Variants in ATP8A2 observed in about 807,000 individuals in gnomAD.
The protein encoded by ATP8A2 is ATPase phospholipid transporting 8A2.
A neutral mutation model predicts 165.6 loss-of-function variants in ATP8A2; 100 were observed. That is an observed-to-expected ratio of 0.60 (90% CI 0.51 to 0.71). The LOEUF (loss-of-function observed/expected upper bound fraction) is 0.71. Among genes scored for constraint, ATP8A2 ranks in the 30% least tolerant of loss-of-function variants. The pLI is 0.00. For synonymous variants in ATP8A2, 543 were observed against 548.8 expected, an observed-to-expected ratio of 0.99 and a Z score of 0.15; for missense variants, 1,227 against 1,479.5, an observed-to-expected ratio of 0.83 and a Z score of 2.80.
intron 33 of ATP8A2, among the ~76,000 whole-genome samples, chr13:25,920,738 G>C (rs1428944787): frequency 6.6e-6 from 1 of 152,178 alleles, no homozygotes; most frequent in Non-Finnish European, 1.5e-5. Flanking sequence ...CCTAAATACT[G>C]TCAACATTTC....
intron 24 of ATP8A2, among the ~76,000 whole-genome samples, chr13:25,668,247 AT>A (rs1422254998): frequency 6.6e-6 from 1 of 152,048 alleles, no homozygotes; most frequent in Non-Finnish European, 1.5e-5. Context: ...GCTACTGTAT[AT>A]CTGGGAATGT....
intron 2 of ATP8A2, among the ~76,000 whole-genome samples, chr13:25,512,516 T>TC (rs2037268541): frequency 1.2e-5 from 1 of 83,524 alleles, no homozygotes; most frequent in African/African-American, 4.4e-5. Context: ...GGGGCTGACC[T>TC]CCCCACCTCC....
At chr13:25,897,837 G>A (rs1283027063) in intron 33 of ATP8A2, among the ~76,000 whole-genome samples, 3 of 152,156 alleles carry the variant, frequency 2.0e-5, no homozygotes, top group African/African-American at 2.4e-5. Context: ...CGGTTACTGA[G>A]GCTTGTGCAT....
chr13:25,589,535 G>A, intron 23 of ATP8A2, 100 bp from the exon 24 acceptor site: 1 of 822,152 alleles, frequency 1.2e-6, no homozygotes, highest in African/African-American at 1.7e-5. Context: ...CTCTGTGTGA[G>A]CCAATAGGCT....
intron 21 of ATP8A2, among the ~76,000 whole-genome samples, chr13:25,579,564 T>C (rs2039712111): frequency 6.6e-6 from 1 of 152,170 alleles, no homozygotes; most frequent in South Asian, 2.1e-4. Flanking sequence ...CTCTCTGCCA[T>C]GGAGAATTCA....
rs866229669 is a variant in ATP8A2 at position 25,882,956 on chromosome 13, G to A, written c.3183+20548G>A. Among the ~76,000 whole-genome samples, 57 of 147,750 alleles carry A rather than the reference G, an allele frequency of 3.9e-4. 3 individuals are homozygous for A. The highest frequency in any genetic ancestry group is 3.2e-3 in the South Asian group (15 of 4,622). ...GATGATGATGGTGATGGTGATGATG[G>A]TGATGGTGATGATGATGGCAGCAGC... On this transcript the variant is annotated intron_variant, in intron 33 of 36. Transcript: ENST00000381655.
At chr13:25,783,147 C>T (rs1449536522) in intron 27 of ATP8A2, among the ~76,000 whole-genome samples, 1 of 152,074 alleles carries the variant, frequency 6.6e-6, no homozygotes, top group Non-Finnish European at 1.5e-5. Context: ...AGACGGAGAG[C>T]CTGGCTGTAC....
intron 25 of ATP8A2, among the ~76,000 whole-genome samples, chr13:25,714,645 A>AT (rs2043218311): frequency 6.6e-6 from 1 of 152,212 alleles, no homozygotes; most frequent in African/African-American, 2.4e-5. Flanking sequence ...GAATGATGTG[A>AT]TAGGCTAACC....
chr13:25,484,593 CA>C (rs1294916355), intron 2 of ATP8A2, among the ~76,000 whole-genome samples: 1 of 152,100 alleles, frequency 6.6e-6, no homozygotes, highest in Admixed American at 6.6e-5. Flanking sequence ...TGGCTTACTG[CA>C]ACATCCCACT....
At chr13:25,987,010 AGAT>A (rs1289321215) in intron 35 of ATP8A2, among the ~76,000 whole-genome samples, 3 of 152,236 alleles carry the variant, frequency 2.0e-5, no homozygotes, top group Non-Finnish European at 4.4e-5. Context: ...TAATTTTTAC[AGAT>A]GATCTAGAGA....
intron 27 of ATP8A2, among the ~76,000 whole-genome samples, chr13:25,790,427 CATG>C (rs1407319205): frequency 6.6e-6 from 1 of 151,848 alleles, no homozygotes; most frequent in Non-Finnish European, 1.5e-5. Context: ...CGCAGTGGCT[CATG>C]CTTGTAATTC....
At chr13:25,829,694 ATATATATATATATATATATATATAT>A (rs545990767) in intron 28 of ATP8A2, among the ~76,000 whole-genome samples, 2 of 59,754 alleles carry the variant, frequency 3.3e-5, no homozygotes, top group African/African-American at 1.2e-4. Flanking sequence ...ATATATATAT[ATATATATATATATATATATATATAT>A]ATCACCTGCT....
intron 33 of ATP8A2, among the ~76,000 whole-genome samples, chr13:25,899,128 G>A (rs1309158319): frequency 1.3e-5 from 2 of 152,212 alleles, no homozygotes; most frequent in Non-Finnish European, 2.9e-5. Context: ...CGCTCACTCT[G>A]GGAACTGTAG....
intron 24 of ATP8A2, among the ~76,000 whole-genome samples, chr13:25,684,391 G>A (rs1236556080): frequency 6.6e-6 from 1 of 152,204 alleles, no homozygotes; most frequent in Non-Finnish European, 1.5e-5. Flanking sequence ...TCAATTGGAA[G>A]TGTTGATCTC....
rs574120740 is a variant in ATP8A2, at chr13:25,772,460, T to C, written c.2569-2389T>C. Among the ~76,000 whole-genome samples, 6 of 152,220 alleles carry C rather than the reference T, an allele frequency of 3.9e-5. No homozygotes were observed. The East Asian group carries it at 1.2e-3, about 29-fold the overall frequency. The stretch of plus-strand genomic sequence containing the variant: ...TATGATTTCCCATTCCCCTTTGGAA[T>C]CCTTAATGAGCCTTTATGGGGAGTT... On this transcript the variant is annotated intron_variant, in intron 26 of 36. Transcript: ENST00000381655.
chr13:26,012,698 C>A, intron 36 of ATP8A2, 76 bp downstream of exon 36: 2 of 232,940 alleles, frequency 8.6e-6, no homozygotes, highest in Non-Finnish European at 1.1e-5. Flanking sequence ...GTTGGGGGAG[C>A]GGGCGCTGAT....
chr13:25,759,841 C>T (rs936043750), intron 25 of ATP8A2, among the ~76,000 whole-genome samples: 2 of 152,132 alleles, frequency 1.3e-5, no homozygotes, highest in African/African-American at 2.4e-5. Context: ...ACATGAAATG[C>T]GCTTGCCCAG....
At chr13:26,015,744 T>G (rs148416195) in intron 36 of ATP8A2, among the ~76,000 whole-genome samples, 1,650 of 152,334 alleles carry the variant, frequency 0.011, 35 homozygotes, top group African/African-American at 0.037. Flanking sequence ...AGCAGATGCT[T>G]TAGGAAGCCA....
chr13:25,372,125 ATGGTCCTCGGGCGGCGGCCCCTGC>A lies in ATP8A2; in HGVS notation c.-87_-64del, dbSNP rs2032420393. The A allele has an allele frequency of 1.1e-6, 1 of 944,328 alleles. No homozygotes were observed. The highest frequency in any genetic ancestry group is 1.7e-5 in the African/African-American group (1 of 57,280). 58.5% of individuals were successfully genotyped at this position (944,328 alleles called of 1,614,324 possible). A position where few individuals can be genotyped will look rare whatever the true frequency, so the allele number is the denominator to read the frequency against. ...AGCCCGGCGAGGCGCTGGCCCACCCATGGTCCTCGGGCGGCGGCCCCTGCGCCCAGCCCTGCGCGTAGCCTCCGT... is the reference window on the plus strand; with the variant it reads ...AGCCCGGCGAGGCGCTGGCCCACCCAGCCCAGCCCTGCGCGTAGCCTCCGT... On this transcript the variant is annotated 5_prime_UTR_variant, in exon 1 of 37. An upstream start codon of the reference 5' UTR is lost. Transcript: ENST00000381655. The surrounding 1 kb of genome is among the most constrained non-coding windows in gnomAD (Gnocchi z 4.8).
Sources: gnomAD v4.1 joint callset for allele counts (sites outside exome capture counted in the v4.1 genomes callset) on GRCh38, gnomAD v4.1.1 for gene constraint, Gnocchi (gnomAD v3.1) non-coding constraint, MANE v1.5 for transcripts, NCBI Gene and HGNC (gene_info 2026-07-23, HGNC 2026-07-21) for gene names.